PABPC4L: variants seen among roughly 807,000 people sequenced by gnomAD.
PABPC4L encodes polyadenylate-binding protein 4-like.
For synonymous variants in PABPC4L, 169 were observed against 164.1 expected (o/e 1.03, Z -0.23); for missense variants, 452 against 451.4 (o/e 1.00, Z -0.01).
At chr4:134,114,400 G>A in the PABPC4L span, among the ~76,000 whole-genome samples, 1 of 151,808 alleles carries the variant, frequency 6.6e-6, no homozygotes, top group Admixed American at 6.6e-5. Context: ...GCCCATAAAA[G>A]GGAAGAAAGT....
the PABPC4L span, among the ~76,000 whole-genome samples, chr4:134,070,230 C>T: frequency 6.2e-4 from 94 of 152,096 alleles, no homozygotes; most frequent in African/African-American, 2.2e-3. Flanking sequence ...GACCACAGCA[C>T]TCTGATGAGT....
chr4:134,138,028 T>G, the PABPC4L span, among the ~76,000 whole-genome samples: 1 of 151,922 alleles, frequency 6.6e-6, no homozygotes, highest in South Asian at 2.1e-4. Context: ...ATTTATATGA[T>G]ATCTAAGCCA....
chr4:134,111,533 T>C, the PABPC4L span, among the ~76,000 whole-genome samples: 2 of 151,918 alleles, frequency 1.3e-5, no homozygotes, highest in Non-Finnish European at 2.9e-5. Context: ...CTATTTGTTC[T>C]GTGTCTCTAG....
chr4:134,153,683 T>C, the PABPC4L span, among the ~76,000 whole-genome samples: 1 of 151,840 alleles, frequency 6.6e-6, no homozygotes, highest in Non-Finnish European at 1.5e-5. Context: ...AGTCTTGATC[T>C]GTAGTCCATG....
chr4:134,107,798 T>A, the PABPC4L span, among the ~76,000 whole-genome samples: 1 of 151,678 alleles, frequency 6.6e-6, no homozygotes, highest in Non-Finnish European at 1.5e-5. Context: ...GTTCAATTAG[T>A]AAGATTTGTT....
Position 134,200,564 on chromosome 4 carries a change from C to T in PABPC4L, c.456G>A (p.Arg152=). The T allele has an allele frequency of 6.4e-7, 1 of 1,551,626 alleles. No individual in the cohort carries two copies. Among genetic ancestry groups the T allele is most frequent in the Non-Finnish European group, 8.7e-7 (1 of 1,146,980 alleles). The part of the protein sequence containing the change: ...VHFQNQSAAD[R]AIEEMNGKLL... ...GTTTTCCATTCATCTCCTCAATGGC[C>T]CTGTCTGCAGCACTCTGGTTCTGAA... Residue 152 remains arginine (R), a synonymous_variant, in exon 2 of 2, where the codon AGG becomes AGA. Coordinates refer to ENST00000421491, the MANE Select transcript of PABPC4L (RefSeq NM_001114734.2).
the PABPC4L span, among the ~76,000 whole-genome samples, chr4:134,068,822 C>T: frequency 1.4e-4 from 22 of 151,930 alleles, no homozygotes; most frequent in Non-Finnish European, 4.4e-5. Context: ...GATTCTCCTG[C>T]CTCAGCCTCC....
chr4:134,078,829 CT>C, the PABPC4L span, among the ~76,000 whole-genome samples: 1 of 148,648 alleles, frequency 6.7e-6, no homozygotes, highest in African/African-American at 2.5e-5. Flanking sequence ...ATTTTTTTTT[CT>C]TTTTTTTCTT....
the PABPC4L span, among the ~76,000 whole-genome samples, chr4:134,175,425 AAATT>A: frequency 3.9e-5 from 6 of 151,912 alleles, no homozygotes; most frequent in South Asian, 2.1e-4. Context: ...TTTATTTTTT[AAATT>A]AATTAATTAA....
At chr4:134,057,739 GA>G in the PABPC4L span, among the ~76,000 whole-genome samples, 1 of 152,000 alleles carries the variant, frequency 6.6e-6, no homozygotes. Context: ...GGCAATATAT[GA>G]GGCAAAAAGA....
At chr4:133,997,115 G>C in the PABPC4L span, among the ~76,000 whole-genome samples, 4 of 151,968 alleles carry the variant, frequency 2.6e-5, no homozygotes, top group African/African-American at 4.8e-5. Flanking sequence ...TACAATTAAG[G>C]CCTCTCTATT....
the PABPC4L span, among the ~76,000 whole-genome samples, chr4:134,138,335 C>T: frequency 2.0e-5 from 3 of 151,732 alleles, no homozygotes; most frequent in African/African-American, 7.2e-5. Flanking sequence ...AGGAAATTAT[C>T]CCTTTTCTTA....
the PABPC4L span, among the ~76,000 whole-genome samples, chr4:134,071,895 G>C: frequency 1.3e-5 from 2 of 152,224 alleles, no homozygotes; most frequent in South Asian, 2.1e-4. Flanking sequence ...ATCCAGACAG[G>C]AGTATAGAAA....
chr4:134,179,880 T>G, the PABPC4L span, among the ~76,000 whole-genome samples: 1 of 152,114 alleles, frequency 6.6e-6, no homozygotes, highest in Non-Finnish European at 1.5e-5. Context: ...GCACCCAGAT[T>G]CATAACACAA....
the PABPC4L span, among the ~76,000 whole-genome samples, chr4:134,013,912 C>G: frequency 6.6e-6 from 1 of 152,140 alleles, no homozygotes; most frequent in South Asian, 2.1e-4. Context: ...TCCTCACACC[C>G]AGTCAGGCTT....
At chr4:134,035,728 A>G in the PABPC4L span, among the ~76,000 whole-genome samples, 2 of 152,026 alleles carry the variant, frequency 1.3e-5, no homozygotes, top group Non-Finnish European at 2.9e-5. Context: ...TTTTCTGGAC[A>G]TAGGCTCAGC....
rs1244849043 is a variant in PABPC4L, at chr4:134,201,088, G to C, written c.-69C>G. Reference sequence around the variant, plus strand: ...GAGCAATCCCTGTGGGGGGATACTAGGTCACAGCTTTGGCCCGGTTCAAGT... The same window carrying C: ...GAGCAATCCCTGTGGGGGGATACTACGTCACAGCTTTGGCCCGGTTCAAGT... On this transcript the variant is annotated 5_prime_UTR_variant, in exon 2 of 2. Coordinates refer to ENST00000421491, the MANE Select transcript of PABPC4L (RefSeq NM_001114734.2). 2 of 1,551,164 alleles carry C rather than the reference G, an allele frequency of 1.3e-6. No individual in the cohort carries two copies. Among genetic ancestry groups the C allele is most frequent in the Admixed American group, 2.0e-5 (1 of 50,996 alleles).
the PABPC4L span, among the ~76,000 whole-genome samples, chr4:134,053,848 C>A: frequency 6.6e-6 from 1 of 151,826 alleles, no homozygotes; most frequent in East Asian, 1.9e-4. Context: ...ATACAAAAAC[C>A]ATGACGAAAA....
At chr4:133,958,265 A>G in the PABPC4L span, among the ~76,000 whole-genome samples, 3 of 152,238 alleles carry the variant, frequency 2.0e-5, no homozygotes, top group Admixed American at 6.5e-5. Flanking sequence ...ATGCTAAAGC[A>G]TAACAAGAGT....
Sources: gnomAD v4.1 joint callset for allele counts (sites outside exome capture counted in the v4.1 genomes callset) on GRCh38, gnomAD v4.1.1 for gene constraint, MANE v1.5 for transcripts, NCBI Gene and HGNC (gene_info 2026-07-23, HGNC 2026-07-21) for gene names.